The following CCDC171 variants were observed in gnomAD, a reference collection of about 807,000 sequenced individuals.
CCDC171 encodes coiled-coil domain-containing protein 171.
A neutral mutation model predicts 168.2 loss-of-function variants in CCDC171; 177 were observed. That is an observed-to-expected ratio of 1.05 (90% confidence interval 0.93 to 1.19). The LOEUF (loss-of-function observed/expected upper bound fraction) is 1.19. CCDC171 is among the 50% of genes most tolerant of loss of function. CCDC171 has a pLI of 0.00. For synonymous variants in CCDC171, 687 were observed against 540.8 expected (o/e 1.27, Z -3.75); for missense variants, 1,991 against 1,539.0 (o/e 1.29, Z -4.91).
chr9:15,633,646 C>G (rs762873491), intron 7 of CCDC171, among the ~76,000 whole-genome samples: 1 of 152,140 alleles, frequency 6.6e-6, no homozygotes, highest in Non-Finnish European at 1.5e-5. Context: ...ACTAGAAATA[C>G]CATTTGACCC....
chr9:16,096,404 A>G, the CCDC171 span, among the ~76,000 whole-genome samples: 1 of 152,224 alleles, frequency 6.6e-6, no homozygotes, highest in African/African-American at 2.4e-5. Flanking sequence ...TGGTGAGTCC[A>G]GACCCAAAAG....
At chr9:15,951,284 T>G (rs892731284) in intron 25 of CCDC171, among the ~76,000 whole-genome samples, 3 of 150,518 alleles carry the variant, frequency 2.0e-5, no homozygotes, top group African/African-American at 7.2e-5. Flanking sequence ...CTAATAGACA[T>G]CTACAGAACT....
intron 24 of CCDC171, among the ~76,000 whole-genome samples, chr9:15,911,158 A>C (rs1218007539): frequency 2.0e-5 from 3 of 152,164 alleles, no homozygotes; most frequent in Non-Finnish European, 4.4e-5. Context: ...TTACACCCCC[A>C]CCAATGGTGT....
chr9:15,812,830 C>T (rs566998768), intron 21 of CCDC171, among the ~76,000 whole-genome samples: 67 of 152,290 alleles, frequency 4.4e-4, no homozygotes, highest in African/African-American at 7.2e-4. Flanking sequence ...GTTTGCTGTG[C>T]GTTCCCTGTC....
intron 24 of CCDC171, among the ~76,000 whole-genome samples, chr9:15,917,772 C>G (rs533559533): frequency 1.0e-3 from 153 of 151,794 alleles, no homozygotes; most frequent in Non-Finnish European, 1.8e-3. Context: ...GGTCAATTCT[C>G]TTGTGACTTA....
chr9:16,080,529 C>T, the CCDC171 span, among the ~76,000 whole-genome samples: 3 of 152,318 alleles, frequency 2.0e-5, no homozygotes, highest in Admixed American at 2.0e-4. Context: ...CTTGATCTAA[C>T]CAAGACGAGC....
intron 11 of CCDC171, among the ~76,000 whole-genome samples, chr9:15,708,435 C>T (rs2052409971): frequency 6.6e-6 from 1 of 152,192 alleles, no homozygotes; most frequent in South Asian, 2.1e-4. Context: ...TTTTGTTCTC[C>T]TGCCACGGTA....
chr9:15,778,227 G>A (rs548615781), intron 19 of CCDC171, among the ~76,000 whole-genome samples: 175 of 148,208 alleles, frequency 1.2e-3, no homozygotes, highest in African/African-American at 4.0e-3. Flanking sequence ...AACCCGGGAA[G>A]CGGAGCTTGC....
intron 18 of CCDC171, among the ~76,000 whole-genome samples, chr9:15,770,621 A>G (rs1409234165): frequency 2.0e-5 from 3 of 152,192 alleles, no homozygotes; most frequent in Non-Finnish European, 2.9e-5. Flanking sequence ...AATGGGAGTT[A>G]TTGATTCTTA....
intron 21 of CCDC171, among the ~76,000 whole-genome samples, chr9:15,794,525 A>G (rs2058453903): frequency 6.6e-6 from 1 of 151,462 alleles, no homozygotes; most frequent in Non-Finnish European, 1.5e-5. Context: ...ATTATGAAAT[A>G]CAGTTTATGC....
chr9:15,789,465 CA>C (rs1281908437), intron 21 of CCDC171, among the ~76,000 whole-genome samples: 3 of 152,112 alleles, frequency 2.0e-5, no homozygotes, highest in Non-Finnish European at 4.4e-5. Context: ...AAGTGATAAT[CA>C]ATAGTATTCC....
the CCDC171 span, among the ~76,000 whole-genome samples, chr9:16,089,707 G>A: frequency 1.5e-4 from 22 of 150,142 alleles, no homozygotes; most frequent in Admixed American, 1.5e-3. Flanking sequence ...CTAATATCCA[G>A]AATCTACAAA....
chr9:15,710,770 A>G (rs2052605841), intron 11 of CCDC171, among the ~76,000 whole-genome samples: 1 of 150,884 alleles, frequency 6.6e-6, no homozygotes, highest in East Asian at 2.0e-4. Flanking sequence ...TAATTTTTGT[A>G]TTATTTAGTA....
intron 21 of CCDC171, among the ~76,000 whole-genome samples, chr9:15,830,619 T>G (rs2136229560): frequency 6.6e-6 from 1 of 152,298 alleles, no homozygotes; most frequent in South Asian, 2.1e-4. Context: ...CCCAGAGTCT[T>G]TAACCGTAAT....
At chr9:15,826,928 C>T (rs1165221580) in intron 21 of CCDC171, among the ~76,000 whole-genome samples, 5 of 152,182 alleles carry the variant, frequency 3.3e-5, no homozygotes, top group Non-Finnish European at 7.3e-5. Context: ...GGAACAAAGG[C>T]TTTCATCAAA....
chr9:15,817,435 C>G (rs1255118968), intron 21 of CCDC171, among the ~76,000 whole-genome samples: 4 of 118,060 alleles, frequency 3.4e-5, no homozygotes, highest in African/African-American at 1.3e-4. Flanking sequence ...CAGGGAATTC[C>G]CTTTCCTAGT....
At chr9:15,575,222 A>G (rs555515334) in intron 3 of CCDC171, among the ~76,000 whole-genome samples, 25 of 139,966 alleles carry the variant, frequency 1.8e-4, no homozygotes, top group South Asian at 4.4e-4. Flanking sequence ...TTGGAGTGCA[A>G]TGGTGTGATC....
intron 6 of CCDC171, among the ~76,000 whole-genome samples, chr9:15,621,822 G>A (rs953407969): frequency 6.6e-6 from 1 of 152,134 alleles, no homozygotes; most frequent in Non-Finnish European, 1.5e-5. Context: ...ACAAAGACAC[G>A]TGGCATGCAT....
chr9:15,651,723 A>G (rs1188454673), intron 7 of CCDC171, among the ~76,000 whole-genome samples: 1 of 152,124 alleles, frequency 6.6e-6, no homozygotes, highest in Non-Finnish European at 1.5e-5. Context: ...CATTGTGTAT[A>G]TATAACCCAC....
Sources: gnomAD v4.1 joint callset for allele counts (sites outside exome capture counted in the v4.1 genomes callset) on GRCh38, gnomAD v4.1.1 for gene constraint, MANE v1.5 for transcripts, NCBI Gene and HGNC (gene_info 2026-07-23, HGNC 2026-07-21) for gene names.